CFAP20DC: variants seen among roughly 807,000 people sequenced by gnomAD.
CFAP20DC encodes protein CFAP20DC.
Under a neutral mutation model 101.7 loss-of-function variants are expected in CFAP20DC, and 84 were observed. The observed-to-expected ratio is 0.83, with a 90% CI of 0.69 to 0.99. The LOEUF (loss-of-function observed/expected upper bound fraction) is 0.99, where lower values mean the gene tolerates loss of function less well. Ranked by LOEUF, CFAP20DC falls within the 50% of genes least tolerant of loss-of-function variation. The probability of loss-of-function intolerance (pLI) is 0.00; values close to 1 mark genes in which losing one functional copy is unlikely to be tolerated. For missense variants in CFAP20DC, 1,007 were observed against 970.3 expected, an observed-to-expected ratio of 1.04 and a Z score of -0.50; for synonymous variants, 359 against 351.2, an observed-to-expected ratio of 1.02 and a Z score of -0.25.
chr3:58,819,311 T>C (rs137865924), intron 14 of CFAP20DC, among the ~76,000 whole-genome samples: 2,373 of 151,896 alleles, frequency 0.016, 30 homozygotes, highest in Middle Eastern at 0.02. Context: ...CTGAAGGAAA[T>C]AGAGACACAA....
downstream of CFAP20DC, chr3:58,737,149 A>G (rs1339865181): frequency 1.8e-5 from 8 of 456,496 alleles, no homozygotes; most frequent in Non-Finnish European, 3.1e-5. The surrounding 1 kb of genome is among the most constrained non-coding windows in gnomAD (Gnocchi z 4.1). Flanking sequence ...TTCAGGCTTC[A>G]GCATACCTTG....
chr3:58,917,466 G>A (rs6764994), intron 5 of CFAP20DC, among the ~76,000 whole-genome samples: 15,149 of 152,094 alleles, frequency 0.1, 2,489 homozygotes, highest in African/African-American at 0.34. Context: ...TCTAGCCAGC[G>A]CTGTCCTTCC....
intron 4 of CFAP20DC, among the ~76,000 whole-genome samples, chr3:58,949,074 C>T (rs932632678): frequency 2.6e-5 from 4 of 152,090 alleles, no homozygotes; most frequent in Admixed American, 6.5e-5. Flanking sequence ...AGTTTATTTG[C>T]GTAGAGGTGT....
intron 4 of CFAP20DC, among the ~76,000 whole-genome samples, chr3:59,009,015 C>A (rs540171592): frequency 3.0e-4 from 46 of 152,220 alleles, no homozygotes; most frequent in Non-Finnish European, 5.3e-4. Flanking sequence ...CTACCACTCA[C>A]CAGCATTGGG....
chr3:58,727,335 G>A (rs1298551544), intron 3 of CFAP20DC: 5 of 152,392 alleles, frequency 3.3e-5, no homozygotes, highest in Non-Finnish European at 7.3e-5. Flanking sequence ...TCTAGTTCAG[G>A]CTCCTGATTT....
At chr3:59,023,071 C>A (rs979232290) in intron 4 of CFAP20DC, among the ~76,000 whole-genome samples, 1 of 151,830 alleles carries the variant, frequency 6.6e-6, no homozygotes, top group African/African-American at 2.4e-5. Flanking sequence ...AATTAAGGCC[C>A]AGTTATTAGT....
chr3:58,731,860 T>C (rs1406127674), intron 3 of CFAP20DC, among the ~76,000 whole-genome samples: 1 of 152,212 alleles, frequency 6.6e-6, no homozygotes, highest in Non-Finnish European at 1.5e-5. Context: ...TAGCCATCAA[T>C]AGAACCATTG....
At chr3:58,946,336 C>T (rs1334901261) in intron 4 of CFAP20DC, among the ~76,000 whole-genome samples, 1 of 151,788 alleles carries the variant, frequency 6.6e-6, no homozygotes, top group Non-Finnish European at 1.5e-5. Context: ...AGGCTGGTCT[C>T]GAACTCCTGA....
At chr3:58,919,884 T>C (rs985112253) in intron 5 of CFAP20DC, among the ~76,000 whole-genome samples, 27 of 152,142 alleles carry the variant, frequency 1.8e-4, no homozygotes, top group Non-Finnish European at 2.6e-4. Context: ...TCATTTACTC[T>C]AGTAGGTTGT....
chr3:58,802,717 G>T (rs1023950088), intron 15 of CFAP20DC, among the ~76,000 whole-genome samples: 1 of 152,194 alleles, frequency 6.6e-6, no homozygotes, highest in African/African-American at 2.4e-5. Context: ...TGCCCTGTGA[G>T]TGAAAGTGAA....
At chr3:58,953,322 A>T (rs2108082451) in intron 4 of CFAP20DC, among the ~76,000 whole-genome samples, 1 of 152,296 alleles carries the variant, frequency 6.6e-6, no homozygotes, top group South Asian at 2.1e-4. Context: ...AATAGGAATC[A>T]AATGCTAGGC....
intron 4 of CFAP20DC, among the ~76,000 whole-genome samples, chr3:58,959,074 A>C (rs961656679): frequency 3.9e-5 from 6 of 152,116 alleles, no homozygotes; most frequent in South Asian, 2.1e-4. Flanking sequence ...TAGAAGTTTT[A>C]TAATTTTAAC....
intron 3 of CFAP20DC, chr3:58,726,745 A>G: frequency 4.5e-6 from 1 of 222,112 alleles, no homozygotes; most frequent in Non-Finnish European, 9.2e-6. Flanking sequence ...ACACCATCAG[A>G]AGAGATGAGA....
At chr3:58,803,899 G>T (rs1348021642) in intron 15 of CFAP20DC, among the ~76,000 whole-genome samples, 5 of 152,126 alleles carry the variant, frequency 3.3e-5, no homozygotes, top group African/African-American at 1.2e-4. Context: ...TCTAACTGGT[G>T]AATTATTTCA....
rs1467407031 is a variant in CFAP20DC, at chr3:58,870,323, G to A, written c.716-14C>T. ...TAATGAACTGATCTGTTTTGTTAAA[G>A]GAAGGTAATAATAGTCCATTAATGG... On this transcript the variant is annotated splice_polypyrimidine_tract_variant and intron_variant, in intron 7 of 16. Coordinates refer to ENST00000482387, the MANE Select transcript of CFAP20DC (RefSeq NM_001394063.1). 5 of 1,612,044 alleles carry A rather than the reference G, an allele frequency of 3.1e-6. No individual in the cohort carries two copies. The highest frequency in any genetic ancestry group is 4.2e-6 in the Non-Finnish European group (5 of 1,178,398).
At chr3:59,043,373 C>T (rs942888929) in intron 3 of CFAP20DC, among the ~76,000 whole-genome samples, 4 of 152,026 alleles carry the variant, frequency 2.6e-5, no homozygotes, top group Non-Finnish European at 4.4e-5. Flanking sequence ...GAGGTGTCAA[C>T]TTTCTCAAAT....
chr3:59,010,655 G>A (rs1289025929), intron 4 of CFAP20DC, among the ~76,000 whole-genome samples: 1 of 152,106 alleles, frequency 6.6e-6, no homozygotes, highest in Non-Finnish European at 1.5e-5. Flanking sequence ...AGGTCATCAA[G>A]ACAGAAAGTC....
At chr3:58,935,174 T>G (rs1395761117) in intron 5 of CFAP20DC, among the ~76,000 whole-genome samples, 1 of 152,162 alleles carries the variant, frequency 6.6e-6, no homozygotes, top group Admixed American at 6.5e-5. Context: ...CCATTCACAA[T>G]TGCTTCAAAG....
intron 14 of CFAP20DC, among the ~76,000 whole-genome samples, chr3:58,826,018 A>C (rs576769700): frequency 1.3e-5 from 2 of 152,312 alleles, no homozygotes; most frequent in East Asian, 3.9e-4. Flanking sequence ...GATTTTGCTA[A>C]AGACTCTTCA....
Sources: allele counts gnomAD v4.1 joint callset (sites outside exome capture counted in the v4.1 genomes callset), GRCh38; gene constraint gnomAD v4.1.1; non-coding constraint Gnocchi (gnomAD v3.1); transcripts MANE v1.5; gene names NCBI Gene and HGNC (gene_info 2026-07-23, HGNC 2026-07-21).